The following OSTN variants were observed in gnomAD, a reference collection of about 807,000 sequenced individuals.
OSTN encodes the protein osteocrin.
A neutral mutation model predicts 12.0 loss-of-function variants in OSTN; 9 were observed. The observed-to-expected ratio is 0.75, with a 90% CI of 0.45 to 1.30. The LOEUF (loss-of-function observed/expected upper bound fraction) is 1.30, where lower values mean the gene tolerates loss of function less well. Among genes scored for constraint, OSTN ranks in the 50% most tolerant of loss-of-function variants. OSTN has a pLI of 0.00. For synonymous variants in OSTN, 59 were observed against 56.9 expected (o/e 1.04, Z -0.16); for missense variants, 148 against 152.3 (o/e 0.97, Z 0.15).
At chr3:191,221,677 T>C (rs1467801636) in intron 3 of OSTN, among the ~76,000 whole-genome samples, 1 of 151,576 alleles carries the variant, frequency 6.6e-6, no homozygotes, top group Non-Finnish European at 1.5e-5. Flanking sequence ...AAGCAGGGCA[T>C]AAAAGTTTGA....
intron 4 of OSTN, among the ~76,000 whole-genome samples, chr3:191,252,246 T>C (rs1427983473): frequency 6.6e-6 from 1 of 152,156 alleles, no homozygotes; most frequent in African/African-American, 2.4e-5. Flanking sequence ...AATATATTTT[T>C]AGTAGATATG....
At chr3:191,259,500 T>TA (rs1715754551) in intron 4 of OSTN, among the ~76,000 whole-genome samples, 2 of 33,556 alleles carry the variant, frequency 6.0e-5, no homozygotes, top group African/African-American at 1.8e-4. Flanking sequence ...CTTGCCTGGA[T>TA]TTTTTTTTTT....
At chr3:191,252,962 T>A (rs939922199) in intron 4 of OSTN, among the ~76,000 whole-genome samples, 3 of 152,190 alleles carry the variant, frequency 2.0e-5, no homozygotes, top group African/African-American at 7.2e-5. Context: ...CCCCATTTTT[T>A]AAAACAATTC....
chr3:191,205,948 G>T (rs1006003735), intron 1 of OSTN, among the ~76,000 whole-genome samples: 4 of 152,132 alleles, frequency 2.6e-5, no homozygotes, highest in African/African-American at 9.7e-5. Flanking sequence ...ACTTTGGGAG[G>T]CTGAGGCGAG....
rs189676781 is a variant in OSTN at position 191,219,858 on chromosome 3, G to A, written c.317+897G>A. On this transcript the variant is annotated intron_variant, in intron 3 of 4. Transcript: ENST00000682035. ...CTTCATTAAGGCTTTTCTAATTCTGGCCTAAATTATTAAATTTTTTTAACA... is the reference window on the plus strand; with the variant it reads ...CTTCATTAAGGCTTTTCTAATTCTGACCTAAATTATTAAATTTTTTTAACA... Among the ~76,000 whole-genome samples the A allele has an allele frequency of 1.7e-3, 260 of 151,952 alleles. 1 individual carries two copies. The highest frequency in any genetic ancestry group is 5.8e-3 in the African/African-American group (241 of 41,444).
At chr3:191,254,684 A>G (rs1272744745) in intron 4 of OSTN, among the ~76,000 whole-genome samples, 4 of 152,212 alleles carry the variant, frequency 2.6e-5, no homozygotes, top group Admixed American at 1.3e-4. Context: ...CCCCATTTCT[A>G]CCAAAGATAA....
intron 1 of OSTN, among the ~76,000 whole-genome samples, chr3:191,209,025 G>T (rs1225739265): frequency 6.6e-6 from 1 of 152,140 alleles, no homozygotes; most frequent in Non-Finnish European, 1.5e-5. Context: ...TGGGTGTGGT[G>T]GTGGGCACCT....
In OSTN at chr3:191,236,930, C is replaced by T. The variant is rs538963444; in HGVS notation, c.318-13107C>T. On this transcript the variant is annotated intron_variant, in intron 3 of 4. Transcript: ENST00000682035. ...TAGGATCCACATTTTATTATGTTTT[C>T]GGAGAGATAAAATGATTTCCCTGAG... 8.5e-5 allele frequency among the ~76,000 whole-genome samples: 13 copies of T among 152,166 alleles called. No homozygotes were observed. The South Asian group carries it at 1.9e-3, about 22-fold the overall frequency.
intron 1 of OSTN, among the ~76,000 whole-genome samples, chr3:191,200,552 T>C (rs192896678): frequency 6.8e-4 from 104 of 152,242 alleles, no homozygotes; most frequent in Admixed American, 1.6e-3. Flanking sequence ...GAAATCCTAA[T>C]ATATCATTCT....
intron 1 of OSTN, among the ~76,000 whole-genome samples, chr3:191,209,010 T>C (rs1714352767): frequency 6.6e-6 from 1 of 151,962 alleles, no homozygotes; most frequent in Non-Finnish European, 1.5e-5. Context: ...ATACAAAAAA[T>C]TAGCTGGGTG....
chr3:191,249,734 CT>C (rs1282805823), intron 3 of OSTN, among the ~76,000 whole-genome samples: 1 of 152,146 alleles, frequency 6.6e-6, no homozygotes, highest in African/African-American at 2.4e-5. Context: ...AACTAAAGCA[CT>C]TAGTTGGCAG....
chr3:191,262,425 A>G (rs891220257), intron 4 of OSTN, among the ~76,000 whole-genome samples: 14 of 152,212 alleles, frequency 9.2e-5, no homozygotes, highest in Non-Finnish European at 1.5e-4. Context: ...ATGGCAGTAT[A>G]TGGTTGGATT....
intron 3 of OSTN, among the ~76,000 whole-genome samples, chr3:191,249,639 CAA>C (rs542716300): frequency 3.9e-5 from 6 of 152,210 alleles, no homozygotes; most frequent in Middle Eastern, 3.4e-3. Context: ...CATTCTGAAG[CAA>C]AGTTTGTGAA....
At chr3:191,260,107 C>T (rs1715773111) in intron 4 of OSTN, among the ~76,000 whole-genome samples, 1 of 152,012 alleles carries the variant, frequency 6.6e-6, no homozygotes, top group African/African-American at 2.4e-5. Context: ...CCTCACCCTC[C>T]CAAAGTGCTG....
chr3:191,202,877 AAT>A (rs1376902612), intron 1 of OSTN, among the ~76,000 whole-genome samples: 3 of 152,200 alleles, frequency 2.0e-5, no homozygotes, highest in African/African-American at 7.2e-5. Flanking sequence ...ATTATATACT[AAT>A]GTTATTTTCT....
At chr3:191,249,259 G>A (rs993386651) in intron 3 of OSTN, among the ~76,000 whole-genome samples, 2 of 152,072 alleles carry the variant, frequency 1.3e-5, no homozygotes, top group Non-Finnish European at 2.9e-5. Context: ...TACGATCAAA[G>A]CTCTGGATCC....
Position 191,262,958 on chromosome 3 carries a change from G to T in OSTN, c.*105G>T. 1 of 691,260 alleles carries T rather than the reference G, an allele frequency of 1.4e-6. No individual in the cohort carries two copies. Among genetic ancestry groups the T allele is most frequent in the South Asian group, 1.5e-5 (1 of 65,998 alleles). 42.8% of individuals were successfully genotyped at this position (691,260 alleles called of 1,614,324 possible). A position where few individuals can be genotyped will look rare whatever the true frequency, so the allele number is the denominator to read the frequency against. On this transcript the variant is annotated 3_prime_UTR_variant, in exon 5 of 5. Transcript: ENST00000682035. ...TTAATGATTAAACTTTTAAGGAACTGACCTTCTGCAAATCCTTTCCAAAGC... is the reference window on the plus strand; with the variant it reads ...TTAATGATTAAACTTTTAAGGAACTTACCTTCTGCAAATCCTTTCCAAAGC...
intron 3 of OSTN, among the ~76,000 whole-genome samples, chr3:191,245,407 C>T (rs1225683636): frequency 1.3e-5 from 2 of 152,130 alleles, no homozygotes; most frequent in Non-Finnish European, 2.9e-5. Context: ...CAATTATTAT[C>T]TGAATTTTAT....
chr3:191,200,062 GT>G (rs1347701168), intron 1 of OSTN, among the ~76,000 whole-genome samples: 1 of 152,092 alleles, frequency 6.6e-6, no homozygotes, highest in Non-Finnish European at 1.5e-5. Flanking sequence ...ATTATTATTT[GT>G]TTATGAGTTT....
Sources: allele counts gnomAD v4.1 joint callset (sites outside exome capture counted in the v4.1 genomes callset), GRCh38; gene constraint gnomAD v4.1.1; transcripts MANE v1.5; gene names NCBI Gene and HGNC (gene_info 2026-07-23, HGNC 2026-07-21).